VWF: variants seen among roughly 807,000 people sequenced by gnomAD.
VWF encodes the protein Factor VIII related antigen.
Under a neutral mutation model 308.6 loss-of-function variants are expected in VWF, and 176 were observed. The ratio of observed to expected loss-of-function variants is 0.57; its 90% CI spans 0.50 to 0.65. The LOEUF is 0.65. VWF is among the 30% of genes least tolerant of loss of function. The pLI is 0.00. For missense variants in VWF, 3,146 were observed against 3,648.2 expected (o/e 0.86, Z 3.55); for synonymous variants, 1,385 against 1,443.4 (o/e 0.96, Z 0.92).
At chr12:6,050,126 G>A (rs1944493030) in intron 16 of VWF, among the ~76,000 whole-genome samples, 1 of 152,150 alleles carries the variant, frequency 6.6e-6, no homozygotes, top group Admixed American at 6.5e-5. Context: ...AAGTCATTAA[G>A]GCCAAAACCA....
Position 6,058,959 on chromosome 12 carries a change from C to T in VWF, c.1534-915G>A, listed in dbSNP as rs73264988. ...GACCCAGGAGTCCTGACTCCCTCTC[C>T]GCATGTCATTACCAAGGTGGGATGA... is the stretch of plus-strand genomic sequence containing the variant. On this transcript the variant is annotated intron_variant, in intron 13 of 51. Transcript: ENST00000261405. The surrounding 1 kb of genome is among the most constrained non-coding windows in gnomAD (Gnocchi z 4.9). Among the ~76,000 whole-genome samples the T allele has an allele frequency of 1.6e-4, 25 of 152,116 alleles. No homozygotes were observed. The highest frequency in any genetic ancestry group is 5.2e-4 in the Admixed American group (8 of 15,284).
intron 34 of VWF, among the ~76,000 whole-genome samples, chr12:6,000,811 C>CAAAAAAAAAA (rs71064181): frequency 1.4e-5 from 1 of 69,804 alleles, no homozygotes; most frequent in Non-Finnish European, 2.6e-5. Flanking sequence ...GACTCTGTCT[C>CAAAAAAAAAA]AAAAAAAAAA....
At chr12:6,012,524 T>G (rs1451332108) in intron 32 of VWF, among the ~76,000 whole-genome samples, 3 of 152,266 alleles carry the variant, frequency 2.0e-5, no homozygotes, top group Admixed American at 6.5e-5. Context: ...GTACAGCTAA[T>G]GTTATTAGCT....
chr12:6,022,268 C>G (rs994840176), intron 26 of VWF, among the ~76,000 whole-genome samples: 1 of 152,070 alleles, frequency 6.6e-6, no homozygotes, highest in Admixed American at 6.5e-5. Flanking sequence ...CTCACCTCCC[C>G]AAGCCTCAGG....
At chr12:5,991,598 G>C (rs1487729014) in intron 38 of VWF, among the ~76,000 whole-genome samples, 2 of 152,144 alleles carry the variant, frequency 1.3e-5, no homozygotes, top group Non-Finnish European at 2.9e-5. Flanking sequence ...ACAACACTTT[G>C]ATGTTTAATC....
At chr12:6,111,021 A>G in intron 3 of VWF, 53 bp from the exon 4 acceptor site, 1 of 1,471,652 alleles carries the variant, frequency 6.8e-7, no homozygotes, top group Non-Finnish European at 9.5e-7. Context: ...CAAAAAATGA[A>G]TACATTGATT....
intron 30 of VWF, 134 bp downstream of exon 30, chr12:6,016,382 T>C: frequency 7.1e-7 from 1 of 1,418,120 alleles, no homozygotes; most frequent in East Asian, 2.5e-5. Flanking sequence ...TGGAAGAGCA[T>C]CTAGCCCCTC....
intron 6 of VWF, among the ~76,000 whole-genome samples, chr12:6,077,276 C>G (rs1355292732): frequency 6.6e-6 from 1 of 152,190 alleles, no homozygotes; most frequent in African/African-American, 2.4e-5. Flanking sequence ...GATTGTGCCA[C>G]TGCACTTCAG....
chr12:6,069,826 ACCAGAGGACTGTATTGTCTGCC>A (rs1289780438), intron 10 of VWF, among the ~76,000 whole-genome samples: 2 of 152,224 alleles, frequency 1.3e-5, no homozygotes, highest in Non-Finnish European at 2.9e-5. Flanking sequence ...TGAATTGAAG[ACCAGAGGACTGTATTGTCTGCC>A]CCAGAAAACA....
chr12:6,034,007 C>G (rs550585588), intron 20 of VWF, among the ~76,000 whole-genome samples: 2 of 152,364 alleles, frequency 1.3e-5, no homozygotes, highest in African/African-American at 4.8e-5. Flanking sequence ...GAGAAACTTA[C>G]AAGAATCCAC....
intron 16 of VWF, among the ~76,000 whole-genome samples, chr12:6,050,997 G>A (rs142835079): frequency 1.5e-3 from 232 of 150,570 alleles, no homozygotes; most frequent in African/African-American, 5.5e-3. Context: ...AATGTTAGAC[G>A]TTATTAAGGA....
At chr12:5,991,628 G>T in intron 38 of VWF, among the ~76,000 whole-genome samples, 191 bp downstream of exon 38, 1 of 152,184 alleles carries the variant, frequency 6.6e-6, no homozygotes, top group East Asian at 1.9e-4. Context: ...ATACATGACA[G>T]ACGCAGGATT....
In VWF at chr12:6,058,202, G is replaced by C. The variant is rs774417194; in HGVS notation, c.1534-158C>G. Among the ~76,000 whole-genome samples, 19 of 152,306 alleles carry C rather than the reference G, an allele frequency of 1.2e-4. No homozygotes were observed. The highest frequency in any genetic ancestry group is 1.9e-4 in the East Asian group (1 of 5,190). Reference sequence around the variant, plus strand: ...CAGCTAAGCCCTAGGCTGCAAAAGGGGGGGCGGGGGAAAGTGAACTGCAGT... The same window carrying C: ...CAGCTAAGCCCTAGGCTGCAAAAGGCGGGGCGGGGGAAAGTGAACTGCAGT... On this transcript the variant is annotated intron_variant, in intron 13 of 51. Coordinates refer to ENST00000261405, the MANE Select transcript of VWF (RefSeq NM_000552.5). This position sits in a 1 kb window ranked among gnomAD's most constrained non-coding sequence, Gnocchi z 4.9.
chr12:6,086,501 G>A (rs944636731), intron 6 of VWF, among the ~76,000 whole-genome samples: 7 of 152,100 alleles, frequency 4.6e-5, no homozygotes, highest in Admixed American at 4.6e-4. Context: ...GCTCTCCCCT[G>A]ACAACTGTAC....
chr12:6,041,939 C>T (rs1389347600), intron 18 of VWF, among the ~76,000 whole-genome samples: 1 of 152,172 alleles, frequency 6.6e-6, no homozygotes, highest in African/African-American at 2.4e-5. Flanking sequence ...TCTGAGACAG[C>T]CTTGGATAGT....
At chr12:6,102,391 G>A (rs377457430) in intron 5 of VWF, among the ~76,000 whole-genome samples, 7 of 151,772 alleles carry the variant, frequency 4.6e-5, no homozygotes, top group African/African-American at 1.5e-4. Context: ...GCAGTGAGCC[G>A]AGATTGCTCT....
intron 31 of VWF, 133 bp downstream of exon 31, chr12:6,015,956 C>T (rs993135366): frequency 1.6e-4 from 192 of 1,183,250 alleles, no homozygotes; most frequent in Non-Finnish European, 2.2e-4. Flanking sequence ...TGTTTGAAAC[C>T]AGGACAGAGG....
intron 3 of VWF, 137 bp downstream of exon 3, chr12:6,121,037 A>T: frequency 8.2e-7 from 1 of 1,221,226 alleles, no homozygotes; most frequent in Non-Finnish European, 1.2e-6. Context: ...TGTCACAGAA[A>T]GGCTGTTCCT....
intron 50 of VWF, among the ~76,000 whole-genome samples, chr12:5,950,794 G>A (rs1252291495): frequency 6.6e-6 from 1 of 152,134 alleles, no homozygotes; most frequent in African/African-American, 2.4e-5. Context: ...ACCCTTTGTG[G>A]TGGTTTTGTA....
Sources: gnomAD v4.1 joint callset for allele counts (sites outside exome capture counted in the v4.1 genomes callset) on GRCh38, gnomAD v4.1.1 for gene constraint, Gnocchi (gnomAD v3.1) non-coding constraint, MANE v1.5 for transcripts, NCBI Gene and HGNC (gene_info 2026-07-23, HGNC 2026-07-21) for gene names.